The following IGSF21 variants were observed in gnomAD, a reference collection of about 807,000 sequenced individuals.
The protein encoded by IGSF21 is immunoglobin superfamily member 21.
In IGSF21, 28 loss-of-function variants were observed where a neutral mutation model predicts 46.8. The observed-to-expected ratio is 0.60, with a 90% CI of 0.44 to 0.82. The LOEUF is 0.82. Ranked by LOEUF, IGSF21 falls within the 40% of genes least tolerant of loss-of-function variation. IGSF21 has a pLI of 0.00. For missense variants in IGSF21, 624 were observed against 665.5 expected (o/e 0.94, Z 0.69); for synonymous variants, 284 against 273.6 (o/e 1.04, Z -0.38).
intron 1 of IGSF21, among the ~76,000 whole-genome samples, chr1:18,127,771 T>G (rs2086285988): frequency 6.6e-6 from 1 of 152,080 alleles, no homozygotes; most frequent in Non-Finnish European, 1.5e-5. Flanking sequence ...TAGCCGGGCA[T>G]GGTGGCACAC....
chr1:18,220,180 GCTGT>G (rs1186232741), intron 1 of IGSF21, among the ~76,000 whole-genome samples: 1 of 152,148 alleles, frequency 6.6e-6, no homozygotes, highest in African/African-American at 2.4e-5. Context: ...TTACCACCGT[GCTGT>G]CTGCTGACGC....
In IGSF21 at chr1:18,335,154, T is replaced by A. The variant is rs1296531791; in HGVS notation, c.424+144T>A. On this transcript the variant is annotated intron_variant, in intron 4 of 9. Coordinates refer to ENST00000251296, the MANE Select transcript of IGSF21 (RefSeq NM_032880.5). The surrounding 1 kb of genome is among the most constrained non-coding windows in gnomAD (Gnocchi z 4.8). ...TGGTGTCTTCCCTTTCCTGCTCTTG[T>A]TGTGGAGGGGCAACCAGACCAAGCT... 4 of 688,676 alleles carry A rather than the reference T, an allele frequency of 5.8e-6. No individual in the cohort carries two copies. In the East Asian group the frequency reaches 1.1e-4, roughly 19 times the overall value. 42.7% of individuals were successfully genotyped at this position (688,676 alleles called of 1,614,324 possible). A position where few individuals can be genotyped will look rare whatever the true frequency, so the allele number is the denominator to read the frequency against.
intron 4 of IGSF21, among the ~76,000 whole-genome samples, chr1:18,358,187 T>C (rs1276795726): frequency 7.0e-6 from 1 of 143,644 alleles, no homozygotes; most frequent in Non-Finnish European, 1.6e-5. Flanking sequence ...TAGCCAAACC[T>C]GTGCTTCTCT....
chr1:18,154,049 C>T (rs547305400), intron 1 of IGSF21, among the ~76,000 whole-genome samples: 3 of 152,322 alleles, frequency 2.0e-5, no homozygotes, highest in East Asian at 3.9e-4. Context: ...GATCCACAGA[C>T]CACTGACTGG....
chr1:18,158,929 G>A (rs778249481), intron 1 of IGSF21, among the ~76,000 whole-genome samples: 29 of 152,318 alleles, frequency 1.9e-4, no homozygotes, highest in South Asian at 8.3e-4. Flanking sequence ...GGAGATGGGC[G>A]TTACCCCCAG....
rs948740827 is a variant in IGSF21 at position 18,322,625 on chromosome 1, C to T, written c.306-12267C>T. On this transcript the variant is annotated intron_variant, in intron 3 of 9. Coordinates refer to ENST00000251296, the MANE Select transcript of IGSF21 (RefSeq NM_032880.5). This position sits in a 1 kb window ranked among gnomAD's most constrained non-coding sequence, Gnocchi z 4.3. ...CCACACGGAGTCTTTTTCTGAAGAG[C>T]ACGTGCCCCACGCCCCCTGCCTGCC... Among the ~76,000 whole-genome samples the T allele has an allele frequency of 9.9e-5, 15 of 152,164 alleles. No individual in the cohort carries two copies. Among genetic ancestry groups the T allele is most frequent in the Non-Finnish European group, 7.3e-5 (5 of 68,032 alleles).
At chr1:18,180,479 A>G (rs977165921) in intron 1 of IGSF21, among the ~76,000 whole-genome samples, 6 of 152,224 alleles carry the variant, frequency 3.9e-5, no homozygotes, top group Non-Finnish European at 7.3e-5. Context: ...CCCCACAGTC[A>G]TACAGTTAAG....
Position 18,245,209 on chromosome 1 carries a change from T to C in IGSF21, c.183+17199T>C, listed in dbSNP as rs547258383. ...TTCTGATAAATATTCTTTTTTGTTA[T>C]GAATAGGAAGGTTACTTCTATTCCA... On this transcript the variant is annotated intron_variant, in intron 2 of 9. Coordinates refer to ENST00000251296, the MANE Select transcript of IGSF21 (RefSeq NM_032880.5). 2.0e-5 allele frequency among the ~76,000 whole-genome samples: 3 copies of C among 152,366 alleles called. No homozygotes were observed. In the South Asian group the frequency reaches 6.2e-4, roughly 32 times the overall value.
At chr1:18,193,156 G>C (rs1018520946) in intron 1 of IGSF21, among the ~76,000 whole-genome samples, 1 of 152,282 alleles carries the variant, frequency 6.6e-6, no homozygotes, top group South Asian at 2.1e-4. Flanking sequence ...ACAGCTGAGT[G>C]AAGAAAGAAC....
chr1:18,252,733 T>C (rs2084854576), intron 2 of IGSF21, among the ~76,000 whole-genome samples: 1 of 152,148 alleles, frequency 6.6e-6, no homozygotes, highest in Non-Finnish European at 1.5e-5. Flanking sequence ...TCTTTTTCCT[T>C]CTTGTGCCTG....
At chr1:18,271,018 T>C (rs1251899269) in intron 2 of IGSF21, among the ~76,000 whole-genome samples, 1 of 152,214 alleles carries the variant, frequency 6.6e-6, no homozygotes, top group Non-Finnish European at 1.5e-5. Context: ...TGGCGTTGAC[T>C]TTGGACAGCA....
At chr1:18,139,695 T>C (rs2086397470) in intron 1 of IGSF21, among the ~76,000 whole-genome samples, 2 of 152,194 alleles carry the variant, frequency 1.3e-5, no homozygotes, top group South Asian at 2.1e-4. Context: ...GCCCTAGGCT[T>C]CAATTTCCTC....
chr1:18,287,644 G>A (rs759731852), intron 2 of IGSF21, among the ~76,000 whole-genome samples: 17 of 152,148 alleles, frequency 1.1e-4, no homozygotes, highest in South Asian at 6.2e-4. Context: ...CCCTGGCCTC[G>A]TGGTCCCTAC....
At chr1:18,238,827 G>A (rs1268111133) in intron 2 of IGSF21, among the ~76,000 whole-genome samples, 1 of 152,200 alleles carries the variant, frequency 6.6e-6, no homozygotes, top group Admixed American at 6.5e-5. Context: ...ATCCTGCTGT[G>A]TGATCTTGAA....
chr1:18,196,066 T>C (rs2087004810), intron 1 of IGSF21, among the ~76,000 whole-genome samples: 1 of 152,164 alleles, frequency 6.6e-6, no homozygotes, highest in Non-Finnish European at 1.5e-5. Flanking sequence ...AAAATGTTGA[T>C]GGAGAGGTCC....
At chr1:18,252,776 A>T (rs563276538) in intron 2 of IGSF21, among the ~76,000 whole-genome samples, 1 of 152,292 alleles carries the variant, frequency 6.6e-6, no homozygotes, top group East Asian at 1.9e-4. Context: ...GGGTACAAAG[A>T]TCATGGGTTC....
At chr1:18,269,530 G>C (rs901501649) in intron 2 of IGSF21, among the ~76,000 whole-genome samples, 2 of 152,142 alleles carry the variant, frequency 1.3e-5, no homozygotes, top group South Asian at 2.1e-4. Context: ...TGGCCCAGAA[G>C]TTCTCTAAAG....
At chr1:18,173,390 T>G (rs11260946) in intron 1 of IGSF21, among the ~76,000 whole-genome samples, 1 of 152,038 alleles carries the variant, frequency 6.6e-6, no homozygotes, top group Non-Finnish European at 1.5e-5. Context: ...TTTTGACAAA[T>G]GTATGCAGTT....
At chr1:18,263,235 A>T (rs989365730) in intron 2 of IGSF21, among the ~76,000 whole-genome samples, 12 of 152,278 alleles carry the variant, frequency 7.9e-5, no homozygotes, top group African/African-American at 2.9e-4. Context: ...TGGATGTAGG[A>T]TGCTACTCAG....
Sources: allele counts gnomAD v4.1 joint callset (sites outside exome capture counted in the v4.1 genomes callset), GRCh38; gene constraint gnomAD v4.1.1; non-coding constraint Gnocchi (gnomAD v3.1); transcripts MANE v1.5; gene names NCBI Gene and HGNC (gene_info 2026-07-23, HGNC 2026-07-21).